Variants in GALM observed in about 807,000 individuals in gnomAD.
The protein encoded by GALM is aldose 1-epimerase.
A neutral mutation model predicts 37.4 loss-of-function variants in GALM; 43 were observed. The ratio of observed to expected loss-of-function variants is 1.15; its 90% CI spans 0.90 to 1.48. The LOEUF (loss-of-function observed/expected upper bound fraction) is 1.48, where lower values mean the gene tolerates loss of function less well. GALM is among the 40% of genes most tolerant of loss of function. The pLI, the probability that GALM is intolerant of heterozygous loss-of-function variation, is 0.00. For synonymous variants in GALM, 199 were observed against 170.6 expected (o/e 1.17, Z -1.30); for missense variants, 456 against 419.1 (o/e 1.09, Z -0.77).
chr2:38,681,939 G>A (rs750637672), intron 3 of GALM, among the ~76,000 whole-genome samples: 18 of 152,240 alleles, frequency 1.2e-4, no homozygotes, highest in Non-Finnish European at 2.4e-4. Context: ...CCAGGGGTTT[G>A]GGTGGGCCAG....
rs200153954 is a variant in GALM at position 38,686,227 on chromosome 2, T to TCCTTCCTTC, written c.553-3585_553-3584insCTTCCTTCC. Among the ~76,000 whole-genome samples, 161 of 16,326 alleles carry TCCTTCCTTC rather than the reference T, an allele frequency of 9.9e-3. 13 individuals carry two copies. The highest frequency in any genetic ancestry group is 0.032 in the East Asian group (12 of 370). 10.7% of individuals were successfully genotyped at this position (16,326 alleles called of 152,430 possible). ...AAACCACAGAAAGTGGAAATTTCTTTCTTTCTTTCTTTCTTTCTTTCTTTC... is the reference window on the plus strand; with the variant it reads ...AAACCACAGAAAGTGGAAATTTCTTTCCTTCCTTCCTTTCTTTCTTTCTTTCTTTCTTTC... On this transcript the variant is annotated intron_variant, in intron 3 of 6. Transcript: ENST00000272252.
intron 3 of GALM, among the ~76,000 whole-genome samples, chr2:38,688,729 C>T (rs1245652918): frequency 6.6e-6 from 1 of 152,118 alleles, no homozygotes; most frequent in African/African-American, 2.4e-5. Flanking sequence ...AGTTATTTGC[C>T]GATTTGCAAA....
intron 4 of GALM, among the ~76,000 whole-genome samples, chr2:38,701,190 A>G (rs1431578302): frequency 6.6e-6 from 1 of 152,242 alleles, no homozygotes; most frequent in Non-Finnish European, 1.5e-5. Flanking sequence ...ATTCATTCTC[A>G]GGATTGTAAA....
intron 2 of GALM, among the ~76,000 whole-genome samples, chr2:38,679,832 G>A (rs1665352008): frequency 6.6e-6 from 1 of 152,150 alleles, no homozygotes; most frequent in Admixed American, 6.6e-5. Flanking sequence ...TCTGCTTTGA[G>A]ACAGATAGAC....
chr2:38,671,640 A>T (rs2148423916), intron 1 of GALM, among the ~76,000 whole-genome samples: 1 of 152,268 alleles, frequency 6.6e-6, no homozygotes, highest in African/African-American at 2.4e-5. Context: ...GTAGTATAAA[A>T]TTTATTTGTT....
chr2:38,723,798 CAAACA>C (rs1321554016), intron 4 of GALM, among the ~76,000 whole-genome samples: 2 of 30,140 alleles, frequency 6.6e-5, no homozygotes, highest in African/African-American at 2.4e-4. Flanking sequence ...CTCAAAAAAA[CAAACA>C]AAAAAAAAAG....
intron 3 of GALM, among the ~76,000 whole-genome samples, chr2:38,685,237 T>A (rs941212986): frequency 2.6e-5 from 4 of 152,110 alleles, no homozygotes; most frequent in African/African-American, 9.7e-5. Flanking sequence ...CTTAGACCAG[T>A]CAAAATTTGC....
At chr2:38,685,798 A>G (rs926523107) in intron 3 of GALM, among the ~76,000 whole-genome samples, 3 of 152,020 alleles carry the variant, frequency 2.0e-5, no homozygotes, top group Admixed American at 2.0e-4. Flanking sequence ...GCTCACGGCA[A>G]TCTCCGCCTC....
At position 38,666,372 on chromosome 2, in the gene GALM, G is replaced by T. The variant is rs751888895; in HGVS notation, c.190+21G>T. 8 of 1,585,532 alleles carry T rather than the reference G, an allele frequency of 5.0e-6. No individual in the cohort carries two copies. In the East Asian group the frequency reaches 1.8e-4, roughly 36 times the overall value. On this transcript the variant is annotated intron_variant, in intron 1 of 6. Transcript: ENST00000272252. ...GGAAGGTGGGTTGAACTGTGCCCTG[G>T]GCTGCGAGCAGGCCCCAGGCCCACG...
chr2:38,718,187 TTTTC>T (rs1398861023), intron 4 of GALM, among the ~76,000 whole-genome samples: 1 of 106,366 alleles, frequency 9.4e-6, no homozygotes, highest in Non-Finnish European at 2.0e-5. Flanking sequence ...GTATTTCTTT[TTTTC>T]TTTTCTTTTT....
intron 5 of GALM, among the ~76,000 whole-genome samples, chr2:38,731,390 C>T (rs866643796): frequency 2.2e-5 from 2 of 91,970 alleles, no homozygotes; most frequent in Admixed American, 2.8e-4. Context: ...GAGAAAGACT[C>T]TATTTCAAAA....
intron 4 of GALM, among the ~76,000 whole-genome samples, chr2:38,691,312 T>C (rs1439699309): frequency 6.6e-6 from 1 of 152,236 alleles, no homozygotes; most frequent in Non-Finnish European, 1.5e-5. Context: ...AAGGCCAAGT[T>C]ATTTTACTTG....
Position 38,676,068 on chromosome 2 carries a change from T to G in GALM, c.345+2T>G. The G allele has an allele frequency of 6.2e-7, 1 of 1,613,890 alleles. No homozygotes were observed. The highest frequency in any genetic ancestry group is 8.5e-7 in the Non-Finnish European group (1 of 1,179,912). On this transcript the variant is annotated splice_donor_variant, in intron 2 of 6. Transcript: ENST00000272252. LOFTEE classifies it high-confidence loss of function. ...GGAGGAGTCAGAGGGTTTGATAAAG[T>G]AAGTACGGCACATGTGACTGAGTTC...
chr2:38,702,745 G>A (rs1665944242), intron 4 of GALM, among the ~76,000 whole-genome samples: 1 of 151,686 alleles, frequency 6.6e-6, no homozygotes, highest in South Asian at 2.1e-4. Flanking sequence ...TGGTCTCTTC[G>A]GGTTGAAGCT....
At position 38,726,416 on chromosome 2, in the gene GALM, C is replaced by T. The variant is rs910360935; in HGVS notation, c.635-3140C>T. ...TAATTTTTTGTATTTTTAGTAGAGA[C>T]GGGTTTTCACCGTTTTAGCCGGGAT... On this transcript the variant is annotated intron_variant, in intron 4 of 6. Coordinates refer to ENST00000272252, the MANE Select transcript of GALM (RefSeq NM_138801.3). Among the ~76,000 whole-genome samples, 68 of 151,172 alleles carry T rather than the reference C, an allele frequency of 4.5e-4. 1 individual carries two copies. The highest frequency in any genetic ancestry group is 3.0e-3 in the Admixed American group (46 of 15,202).
At chr2:38,677,168 T>C (rs927372282) in intron 2 of GALM, among the ~76,000 whole-genome samples, 5 of 152,234 alleles carry the variant, frequency 3.3e-5, no homozygotes, top group Admixed American at 6.5e-5. Context: ...TTAACCCCAG[T>C]GATTGCTCTC....
intron 4 of GALM, among the ~76,000 whole-genome samples, chr2:38,721,408 ATCCCCCG>A (rs1666373615): frequency 6.6e-6 from 1 of 152,134 alleles, no homozygotes; most frequent in Non-Finnish European, 1.5e-5. Flanking sequence ...TTGTTAAGTC[ATCCCCCG>A]TCCCAGTCAC....
At chr2:38,728,959 C>G (rs1274948401) in intron 4 of GALM, among the ~76,000 whole-genome samples, 1 of 152,194 alleles carries the variant, frequency 6.6e-6, no homozygotes, top group African/African-American at 2.4e-5. Flanking sequence ...GTACTTGATT[C>G]AGCTAGAACA....
At chr2:38,671,941 G>A (rs570470857) in intron 1 of GALM, among the ~76,000 whole-genome samples, 2 of 152,046 alleles carry the variant, frequency 1.3e-5, no homozygotes, top group South Asian at 2.1e-4. Context: ...AGCCGTGATG[G>A]CACCACTGCA....
Sources: gnomAD v4.1 joint callset for allele counts (sites outside exome capture counted in the v4.1 genomes callset) on GRCh38, gnomAD v4.1.1 for gene constraint, MANE v1.5 for transcripts, NCBI Gene and HGNC (gene_info 2026-07-23, HGNC 2026-07-21) for gene names.